PDE10A: variants seen among roughly 807,000 people sequenced by gnomAD.
PDE10A encodes the protein cAMP and cAMP-inhibited cGMP 3',5'-cyclic phosphodiesterase 10A.
PDE10A carries 39 observed loss-of-function variants against 97.7 expected under a neutral mutation model. The ratio of observed to expected loss-of-function variants is 0.40; its 90% CI spans 0.31 to 0.52. The LOEUF (loss-of-function observed/expected upper bound fraction) is 0.52. Ranked by LOEUF, PDE10A falls within the 20% of genes least tolerant of loss-of-function variation. The pLI, the probability that PDE10A is intolerant of heterozygous loss-of-function variation, is 0.56. For synonymous variants in PDE10A, 371 were observed against 376.8 expected (o/e 0.98, Z 0.18); for missense variants, 731 against 1,047.8 (o/e 0.70, Z 4.17).
chr6:165,348,252 G>C (rs1782448621), intron 18 of PDE10A, among the ~76,000 whole-genome samples: 1 of 152,144 alleles, frequency 6.6e-6, no homozygotes, highest in Non-Finnish European at 1.5e-5. Flanking sequence ...GGCAGTTCTT[G>C]CATGAAATAC....
intron 1 of PDE10A, among the ~76,000 whole-genome samples, chr6:165,909,413 T>C (rs2128485966): frequency 6.6e-6 from 1 of 152,382 alleles, no homozygotes; most frequent in South Asian, 2.1e-4. Context: ...AGTTGCTGTC[T>C]GTTGGACTCG....
At chr6:165,374,190 C>A (rs1232187040) in intron 18 of PDE10A, among the ~76,000 whole-genome samples, 2 of 151,000 alleles carry the variant, frequency 1.3e-5, no homozygotes, top group Middle Eastern at 3.4e-3. Context: ...TGTAACTAAC[C>A]TGCACATTGT....
At chr6:165,445,771 A>C (rs1790804639) in intron 5 of PDE10A, among the ~76,000 whole-genome samples, 1 of 152,196 alleles carries the variant, frequency 6.6e-6, no homozygotes, top group Admixed American at 6.5e-5. Flanking sequence ...GATTGGTAGT[A>C]CCTTAAGTGA....
chr6:165,529,455 G>GA (rs1782644323), intron 2 of PDE10A, among the ~76,000 whole-genome samples: 1 of 152,116 alleles, frequency 6.6e-6, no homozygotes, highest in African/African-American at 2.4e-5. Flanking sequence ...CTCCACCAGG[G>GA]AAAAAACCAT....
intron 17 of PDE10A, among the ~76,000 whole-genome samples, chr6:165,383,240 G>A (rs999245087): frequency 2.0e-5 from 3 of 152,032 alleles, no homozygotes; most frequent in African/African-American, 7.2e-5. Flanking sequence ...TATTTTTAAA[G>A]TCAAAATGGG....
chr6:165,811,187 C>T (rs955714654), intron 1 of PDE10A, among the ~76,000 whole-genome samples: 5 of 152,184 alleles, frequency 3.3e-5, no homozygotes, highest in Non-Finnish European at 7.3e-5. Context: ...TGCACCACTG[C>T]ACTCCAGCCT....
rs528666026 is a variant in PDE10A at position 165,835,326 on chromosome 6, C to T, written c.-615+152203G>A. ...TGGGATATTCCTTTATACGGATGGG[C>T]TTTGGCAGATGTGCCATCCCAGGCT... On this transcript the variant is annotated intron_variant, in intron 1 of 19. Coordinates refer to the PDE10A transcript ENST00000366882. 3.3e-5 allele frequency among the ~76,000 whole-genome samples: 5 copies of T among 152,346 alleles called. 1 individual carries two copies. The highest frequency in any genetic ancestry group is 2.1e-4 in the South Asian group (1 of 4,832).
intron 10 of PDE10A, among the ~76,000 whole-genome samples, chr6:165,428,247 C>T (rs535805471): frequency 3.2e-4 from 49 of 152,128 alleles, no homozygotes; most frequent in African/African-American, 9.6e-4. Flanking sequence ...TATAACTCTA[C>T]GTCATACAGC....
intron 1 of PDE10A, among the ~76,000 whole-genome samples, chr6:165,642,093 T>C (rs979966938): frequency 1.3e-5 from 2 of 152,166 alleles, no homozygotes. Context: ...TGGAATACCA[T>C]GATTCTGGAA....
chr6:165,699,652 C>A (rs1208821916), intron 1 of PDE10A, among the ~76,000 whole-genome samples: 1 of 151,964 alleles, frequency 6.6e-6, no homozygotes, highest in Non-Finnish European at 1.5e-5. Context: ...TCTCCAGCAA[C>A]AATGGAATAA....
At chr6:165,417,893 G>A (rs551546637) in intron 11 of PDE10A, among the ~76,000 whole-genome samples, 34 of 152,244 alleles carry the variant, frequency 2.2e-4, no homozygotes, top group South Asian at 8.3e-4. Context: ...AGAACTTTAC[G>A]GTGTTATACA....
intron 1 of PDE10A, among the ~76,000 whole-genome samples, chr6:165,778,717 T>A (rs905212283): frequency 2.0e-5 from 3 of 152,282 alleles, no homozygotes; most frequent in Non-Finnish European, 4.4e-5. Flanking sequence ...TCACCAACTT[T>A]TAAATTGTAT....
intron 1 of PDE10A, among the ~76,000 whole-genome samples, chr6:165,847,766 AT>A (rs1454913849): frequency 1.3e-5 from 2 of 152,256 alleles, no homozygotes; most frequent in Non-Finnish European, 2.9e-5. Context: ...GAACTAAATG[AT>A]TTGTGTAGTT....
At chr6:165,595,837 A>C (rs1419881670) in intron 1 of PDE10A, among the ~76,000 whole-genome samples, 1 of 152,136 alleles carries the variant, frequency 6.6e-6, no homozygotes. Flanking sequence ...CAGAGCATTA[A>C]TTAATCCCAT....
chr6:165,982,872 GAAACA>G (rs1251192093), intron 1 of PDE10A, among the ~76,000 whole-genome samples: 2 of 152,094 alleles, frequency 1.3e-5, no homozygotes, highest in African/African-American at 2.4e-5. Context: ...AAGAAAAGAA[GAAACA>G]AAACAAAACA....
chr6:165,619,714 G>A (rs1209701913), intron 1 of PDE10A, among the ~76,000 whole-genome samples: 4 of 147,514 alleles, frequency 2.7e-5, no homozygotes, highest in East Asian at 2.0e-4. Context: ...GTAGTGTAGT[G>A]TAGTCCAGTG....
At chr6:165,667,999 C>G (rs1250403535), upstream of PDE10A, among the ~76,000 whole-genome samples, 1 of 152,166 alleles carries the variant, frequency 6.6e-6, no homozygotes, top group Non-Finnish European at 1.5e-5. Flanking sequence ...TTCTTAAAAA[C>G]AGATGCAAGT....
Position 165,612,026 on chromosome 6 carries a change from CAA to C in PDE10A, c.865+49919_865+49920del, listed in dbSNP as rs1462470041. Reference sequence around the variant, plus strand: ...ACATATGTTACCCACATGCAAAAGACAACTCAAATTTCACTTAGGGTTTAAAA... The same window carrying C: ...ACATATGTTACCCACATGCAAAAGACCTCAAATTTCACTTAGGGTTTAAAA... On this transcript the variant is annotated intron_variant, in intron 1 of 21. Transcript: ENST00000539869. Among the ~76,000 whole-genome samples the C allele has an allele frequency of 6.0e-4, 92 of 152,314 alleles. 2 individuals are homozygous for C. In the South Asian group the frequency reaches 0.018, roughly 31 times the overall value.
chr6:165,779,529 A>G (rs1389935366), intron 1 of PDE10A, among the ~76,000 whole-genome samples: 1 of 152,214 alleles, frequency 6.6e-6, no homozygotes, highest in Non-Finnish European at 1.5e-5. Context: ...GCTGCAATTA[A>G]TCCCCCTTCC....
Sources: allele counts gnomAD v4.1 joint callset (sites outside exome capture counted in the v4.1 genomes callset), GRCh38; gene constraint gnomAD v4.1.1; transcripts MANE v1.5; gene names NCBI Gene and HGNC (gene_info 2026-07-23, HGNC 2026-07-21).